Variants in AP5Z1 observed in about 807,000 individuals in gnomAD.
AP5Z1 encodes the protein AP-5 complex subunit zeta-1.
AP5Z1 carries 106 observed loss-of-function variants against 83.0 expected under a neutral mutation model. The observed-to-expected ratio is 1.28, with a 90% CI of 1.09 to 1.50. The LOEUF (loss-of-function observed/expected upper bound fraction) is 1.50, where lower values mean the gene tolerates loss of function less well. Ranked by LOEUF, AP5Z1 falls within the 40% of genes most tolerant of loss-of-function variation. The pLI, the probability that AP5Z1 is intolerant of heterozygous loss-of-function variation, is 0.00. For missense variants in AP5Z1, 1,565 were observed against 1,094.2 expected (o/e 1.43, Z -6.07); for synonymous variants, 751 against 514.1 (o/e 1.46, Z -6.23).
At chr7:4,790,069 C>G in intron 14 of AP5Z1, 140 bp downstream of exon 14, 7 of 1,224,702 alleles carry the variant, frequency 5.7e-6, no homozygotes, top group Non-Finnish European at 5.5e-6. Context: ...CTGCCACCCC[C>G]ACCCACAGCC....
At chr7:4,786,634 C>T (rs1051300041) in intron 10 of AP5Z1, among the ~76,000 whole-genome samples, 1 of 152,130 alleles carries the variant, frequency 6.6e-6, no homozygotes, top group Non-Finnish European at 1.5e-5. Context: ...CAAGAACTCC[C>T]TTGTGGGTGT....
chr7:4,775,784 C>T (rs1009123061), intron 1 of AP5Z1, 28 bp downstream of exon 1: 3 of 1,599,922 alleles, frequency 1.9e-6, no homozygotes, highest in Admixed American at 3.3e-5. Context: ...CCCCGGCCCT[C>T]CTTCCTGCAT....
intron 7 of AP5Z1, 61 bp from the exon 8 acceptor site, chr7:4,785,354 C>T (rs551781110): frequency 3.4e-5 from 54 of 1,577,102 alleles, no homozygotes; most frequent in Non-Finnish European, 4.5e-5. Flanking sequence ...CACAAGCTGC[C>T]CCCTCATTGG....
chr7:4,775,742 G>A lies in AP5Z1; in HGVS notation c.27G>A (p.Leu9=). The A allele has an allele frequency of 6.2e-7, 1 of 1,605,642 alleles. No homozygotes were observed. The highest frequency in any genetic ancestry group is 1.1e-5 in the South Asian group (1 of 91,040). Residue 9 remains leucine, a synonymous_variant, in exon 1 of 17, where the codon TTG becomes TTA. Coordinates refer to ENST00000649063, the MANE Select transcript of AP5Z1 (RefSeq NM_014855.3). MFSAGAES[L]LHQAREIQDE... ...TGTTCTCGGCAGGAGCGGAGAGTTT[G>A]CTCCACCAGGCCAGGTACGGGGGAG...
In AP5Z1 at chr7:4,790,130, C is replaced by T. The variant is rs1182655208; in HGVS notation, c.1805+201C>T. On this transcript the variant is annotated intron_variant, in intron 14 of 16. Coordinates refer to ENST00000649063, the MANE Select transcript of AP5Z1 (RefSeq NM_014855.3). ...TCTGCTTCTCAAGAACATTCCCGTC[C>T]TTCTTTCTGCCGAGCCTGTCCTCTT... The T allele has an allele frequency of 1.5e-5, 22 of 1,431,580 alleles. No individual in the cohort carries two copies. The South Asian group carries it at 2.6e-4, about 17-fold the overall frequency. 88.7% of individuals were successfully genotyped at this position (1,431,580 alleles called of 1,614,324 possible). A position where few individuals can be genotyped will look rare whatever the true frequency, so the allele number is the denominator to read the frequency against.
intron 1 of AP5Z1, among the ~76,000 whole-genome samples, chr7:4,780,509 A>G (rs988869706): frequency 6.8e-6 from 1 of 146,816 alleles, no homozygotes; most frequent in Non-Finnish European, 1.5e-5. Context: ...TCACGCCTGT[A>G]ATCCCAGCAC....
Position 4,790,598 on chromosome 7 carries a change from C to A in AP5Z1, c.1938+7C>A. On this transcript the variant is annotated splice_region_variant and intron_variant, in intron 15 of 16. Coordinates refer to ENST00000649063, the MANE Select transcript of AP5Z1 (RefSeq NM_014855.3). ...GAGCCTCGTCACCAGCGTGGTAAGG[C>A]GGGCGCTGGCCTCCCACAGCCGCTC... 1 of 1,612,498 alleles carries A rather than the reference C, an allele frequency of 6.2e-7. No individual in the cohort carries two copies.
chr7:4,788,707 G>A (rs934547885), intron 12 of AP5Z1, 133 bp from the exon 13 acceptor site: 1 of 755,796 alleles, frequency 1.3e-6, no homozygotes, highest in Non-Finnish European at 2.1e-6. Context: ...AGGGGAGCAG[G>A]AGGTCCCGAG....
rs1371030443 is a variant in AP5Z1 at position 4,792,814 on chromosome 7, G to C, written c.*1429G>C. On this transcript the variant is annotated 3_prime_UTR_variant, in exon 17 of 17. Coordinates refer to ENST00000649063, the MANE Select transcript of AP5Z1 (RefSeq NM_014855.3). ...CCAAGGCGTGCGTGCCAGTGCGCGG[G>C]TCTCGGGATCACTTCCCAGTGCGGT... 1.3e-5 allele frequency: 2 copies of C among 152,462 alleles called. No homozygotes were observed. Among genetic ancestry groups the C allele is most frequent in the Non-Finnish European group, 2.9e-5 (2 of 68,098 alleles). 9.4% of individuals were successfully genotyped at this position (152,462 alleles called of 1,614,324 possible). A position where few individuals can be genotyped will look rare whatever the true frequency, so the allele number is the denominator to read the frequency against.
chr7:4,780,132 C>G (rs1372321748), intron 1 of AP5Z1, among the ~76,000 whole-genome samples: 1 of 152,070 alleles, frequency 6.6e-6, no homozygotes, highest in Non-Finnish European at 1.5e-5. Flanking sequence ...CACAGCAACC[C>G]CTTTGCGCAT....
At chr7:4,785,730 C>CTTTAG in intron 9 of AP5Z1, 46 bp downstream of exon 9, 1 of 1,377,756 alleles carries the variant, frequency 7.3e-7, no homozygotes, top group Non-Finnish European at 9.4e-7. Context: ...CTGCTTCTGC[C>CTTTAG]TTTAGTTTTA....
In AP5Z1 at chr7:4,785,419, C is replaced by G. The variant is rs771517528; in HGVS notation, c.936C>G (p.Ala312=). ...QRLIEQSNRR[A]LRKGDSDLQK... ...GACTTTTTCCCCTCCTTCCAGGAGC[C>G]CTGAGGAAGGGGGACTCCGACCTGC... Residue 312 remains alanine (A), a synonymous_variant, in exon 8 of 17, where the codon GCC becomes GCG. Coordinates refer to ENST00000649063, the MANE Select transcript of AP5Z1 (RefSeq NM_014855.3). 2 of 1,613,278 alleles carry G rather than the reference C, an allele frequency of 1.2e-6. No individual in the cohort carries two copies. The highest frequency in any genetic ancestry group is 1.3e-5 in the African/African-American group (1 of 75,056).
chr7:4,777,114 G>A (rs1267341025), intron 1 of AP5Z1, among the ~76,000 whole-genome samples: 1 of 152,162 alleles, frequency 6.6e-6, no homozygotes, highest in Non-Finnish European at 1.5e-5. Context: ...TGAATATGCA[G>A]CACCATCTCC....
chr7:4,786,546 C>T lies in AP5Z1; in HGVS notation c.1311+118C>T, dbSNP rs559025607. On this transcript the variant is annotated intron_variant, in intron 10 of 16. Coordinates refer to ENST00000649063, the MANE Select transcript of AP5Z1 (RefSeq NM_014855.3). Reference sequence around the variant, plus strand: ...GCTGAGCATAGAGCCCTGTGAGTCCCGGGCCTGGAATGCGGTGTGCAGGGT... The same window carrying T: ...GCTGAGCATAGAGCCCTGTGAGTCCTGGGCCTGGAATGCGGTGTGCAGGGT... The T allele has an allele frequency of 3.4e-4, 408 of 1,207,570 alleles. 1 individual carries two copies. In the South Asian group the frequency reaches 5.5e-3, roughly 16 times the overall value. The allele number at this position is 1,207,570 out of a possible 1,614,324, so 74.8% of individuals were successfully genotyped here. A position where few individuals can be genotyped will look rare whatever the true frequency, so the allele number is the denominator to read the frequency against.
intron 10 of AP5Z1, among the ~76,000 whole-genome samples, chr7:4,787,251 G>T (rs780251762): frequency 6.6e-6 from 1 of 151,902 alleles, no homozygotes; most frequent in African/African-American, 2.4e-5. Context: ...CCAGCACCTC[G>T]GGAGGCCAAG....
At position 4,788,233 on chromosome 7, in the gene AP5Z1, C is replaced by A; in HGVS notation, c.1534C>A (p.Pro512Thr). The change falls in exon 12 of 17, where the codon CCG becomes ACG. Residue 512 changes from proline (P) to threonine (T), a missense_variant. Pro to Thr is a conservative substitution (Grantham distance 38). Transcript: ENST00000649063. ...CAGCTGCCTGGAGGCCTTCCGGGAC[C>A]CGCAGTTCCAGGGTCTTTTCCAATA... ...APSCLEAFRDPQFQGLFQYLL... is the reference protein window; with the variant it reads ...APSCLEAFRDTQFQGLFQYLL... 6.3e-7 allele frequency: 1 copy of A among 1,578,178 alleles called. No individual in the cohort carries two copies. The highest frequency in any genetic ancestry group is 8.6e-7 in the Non-Finnish European group (1 of 1,163,278).
intron 12 of AP5Z1, 24 bp downstream of exon 12, chr7:4,788,318 G>A: frequency 6.4e-7 from 1 of 1,552,848 alleles, no homozygotes; most frequent in South Asian, 1.2e-5. Context: ...GGGCCAGGGG[G>A]CCACCAGTGG....
In AP5Z1 at chr7:4,781,705, C is replaced by G. The variant is rs566001734; in HGVS notation, c.317C>G (p.Thr106Arg). The part of the protein sequence containing the change: ...SDSLSLAWDH[T>R]QNSRQLSLVA... ...AGCCTCAGCCTGGCCTGGGACCACA[C>G]GCAGAACAGCCGGCAGCTGAGCCTG... Residue 106 changes from threonine to arginine, a missense_variant, in exon 3 of 17, where the codon ACG becomes AGG. Physicochemically the swap from Thr to Arg is moderately conservative, Grantham distance 71 (BLOSUM62 -1). Coordinates refer to ENST00000649063, the MANE Select transcript of AP5Z1 (RefSeq NM_014855.3). 2 of 1,585,694 alleles carry G rather than the reference C, an allele frequency of 1.3e-6. No homozygotes were observed. Among genetic ancestry groups the G allele is most frequent in the South Asian group, 1.1e-5 (1 of 90,358 alleles).
rs78580507 is a variant in AP5Z1, at chr7:4,783,578, G to A, written c.512-111G>A. On this transcript the variant is annotated intron_variant, in intron 4 of 16. Transcript: ENST00000649063. ...GTGGGGGACACGGGGAGGCCCGAGG[G>A]TTTGGGACGCTGCAGGATTCTGTTT... The A allele has an allele frequency of 9.1e-6, 14 of 1,534,928 alleles. No individual in the cohort carries two copies. The South Asian group carries it at 1.7e-4, about 19-fold the overall frequency.
Sources: gnomAD v4.1 joint callset for allele counts (sites outside exome capture counted in the v4.1 genomes callset) on GRCh38, gnomAD v4.1.1 for gene constraint, MANE v1.5 for transcripts, NCBI Gene and HGNC (gene_info 2026-07-23, HGNC 2026-07-21) for gene names.